Variants in CFAP61 observed in about 807,000 individuals in gnomAD.
CFAP61 encodes the protein cilia- and flagella-associated protein 61.
CFAP61 carries 107 observed loss-of-function variants against 135.6 expected under a neutral mutation model. The observed-to-expected ratio is 0.79, with a 90% CI of 0.67 to 0.93. The LOEUF is 0.93. Among genes scored for constraint, CFAP61 ranks in the 40% least tolerant of loss-of-function variants. CFAP61 has a pLI of 0.00. For synonymous variants in CFAP61, 575 were observed against 578.5 expected (o/e 0.99, Z 0.09); for missense variants, 1,507 against 1,556.2 (o/e 0.97, Z 0.53).
intron 21 of CFAP61, chr20:20,265,438 T>C (rs1290718544): frequency 1.3e-6 from 1 of 779,798 alleles, no homozygotes; most frequent in East Asian, 2.4e-5. Context: ...ATCAGTGTTA[T>C]TCTGCTGACT....
At chr20:20,197,467 C>T (rs1052808513) in intron 16 of CFAP61, among the ~76,000 whole-genome samples, 5 of 152,230 alleles carry the variant, frequency 3.3e-5, no homozygotes, top group African/African-American at 9.6e-5. Flanking sequence ...TTACCATGAA[C>T]GCAGCCATGC....
At chr20:20,078,837 A>G (rs2046236457) in intron 6 of CFAP61, among the ~76,000 whole-genome samples, 1 of 152,242 alleles carries the variant, frequency 6.6e-6, no homozygotes, top group African/African-American at 2.4e-5. Context: ...GATAGGATGA[A>G]TAAAACTGAT....
intron 24 of CFAP61, among the ~76,000 whole-genome samples, 181 bp downstream of exon 24, chr20:20,290,572 G>T (rs2054928447): frequency 6.6e-6 from 1 of 152,224 alleles, no homozygotes; most frequent in Non-Finnish European, 1.5e-5. Flanking sequence ...TCATGCCCTT[G>T]TGTGGCTCCT....
chr20:20,262,228 C>G (rs1569209405), intron 20 of CFAP61, among the ~76,000 whole-genome samples: 2 of 152,180 alleles, frequency 1.3e-5, no homozygotes, highest in East Asian at 1.9e-4. Context: ...CTGGGCAGGC[C>G]TTTATGGCTA....
chr20:20,324,182 C>T (rs554959566), intron 25 of CFAP61, among the ~76,000 whole-genome samples: 3 of 152,174 alleles, frequency 2.0e-5, no homozygotes, highest in South Asian at 2.1e-4. Context: ...GCCATTGAGA[C>T]GTGCCCTCTT....
chr20:20,360,488 T>C lies in CFAP61; in HGVS notation c.*78T>C. ...GCGCTCTGTAGAAATAGAAAAGTTCTCTGCAGCCTGGTTTGACAGCGAAGC... is the reference window on the plus strand; with the variant it reads ...GCGCTCTGTAGAAATAGAAAAGTTCCCTGCAGCCTGGTTTGACAGCGAAGC... On this transcript the variant is annotated 3_prime_UTR_variant, in exon 27 of 27. Coordinates refer to ENST00000245957, the MANE Select transcript of CFAP61 (RefSeq NM_015585.4). The C allele has an allele frequency of 7.3e-7, 1 of 1,368,872 alleles. No homozygotes were observed. Among genetic ancestry groups the C allele is most frequent in the South Asian group, 1.2e-5 (1 of 80,302 alleles). 84.8% of individuals were successfully genotyped at this position (1,368,872 alleles called of 1,614,324 possible). A position where few individuals can be genotyped will look rare whatever the true frequency, so the allele number is the denominator to read the frequency against.
intron 1 of CFAP61, chr20:20,056,183 G>T: frequency 1.7e-6 from 1 of 584,768 alleles, no homozygotes; most frequent in Non-Finnish European, 3.0e-6. Flanking sequence ...CTCAAAATAT[G>T]TCTCAAGACT....
chr20:20,309,132 G>T (rs928971337), intron 25 of CFAP61, among the ~76,000 whole-genome samples: 1 of 152,186 alleles, frequency 6.6e-6, no homozygotes, highest in Non-Finnish European at 1.5e-5. Context: ...GGGCAGTAGG[G>T]ATTCACAGGT....
chr20:20,358,700 A>G (rs1052179275), intron 26 of CFAP61, among the ~76,000 whole-genome samples: 1 of 152,162 alleles, frequency 6.6e-6, no homozygotes, highest in East Asian at 1.9e-4. Context: ...GCTCTTTCCA[A>G]TGTGTGCATA....
chr20:20,330,724 G>A (rs972196091), intron 25 of CFAP61, among the ~76,000 whole-genome samples: 1 of 152,166 alleles, frequency 6.6e-6, no homozygotes, highest in Non-Finnish European at 1.5e-5. Context: ...AGGTGCAGCG[G>A]TGGGCCTCTG....
At chr20:20,118,178 T>C (rs1433328719) in intron 8 of CFAP61, among the ~76,000 whole-genome samples, 1 of 152,138 alleles carries the variant, frequency 6.6e-6, no homozygotes, top group Non-Finnish European at 1.5e-5. Context: ...TAGAGGAAAG[T>C]CTTGCAACTT....
intron 17 of CFAP61, among the ~76,000 whole-genome samples, chr20:20,220,562 TAGAC>T (rs1415820151): frequency 6.6e-6 from 1 of 152,196 alleles, no homozygotes; most frequent in Non-Finnish European, 1.5e-5. Flanking sequence ...TAAGCCTAGG[TAGAC>T]AGTGTCAGAA....
intron 8 of CFAP61, among the ~76,000 whole-genome samples, chr20:20,118,255 T>TCC (rs200550790): frequency 4.5e-5 from 2 of 44,352 alleles, no homozygotes; most frequent in East Asian, 3.1e-4. Flanking sequence ...TGAGGTATGT[T>TCC]TCTTTCTTTC....
chr20:20,289,073 G>A (rs1236497808), intron 23 of CFAP61, 137 bp downstream of exon 23: 1 of 611,672 alleles, frequency 1.6e-6, no homozygotes, highest in Non-Finnish European at 2.8e-6. Flanking sequence ...CAGAGACAGA[G>A]AAAGGGTCTA....
intron 3 of CFAP61, among the ~76,000 whole-genome samples, chr20:20,072,153 C>T (rs954577616): frequency 2.7e-5 from 3 of 111,144 alleles, no homozygotes; most frequent in Admixed American, 1.4e-4. Context: ...CTCACTCTGT[C>T]GTCCAGGCTG....
At chr20:20,065,992 GA>G (rs11336136) in intron 2 of CFAP61, among the ~76,000 whole-genome samples, 73,038 of 151,686 alleles carry the variant, frequency 0.48, 18,363 homozygotes, top group Non-Finnish European at 0.55. Flanking sequence ...AAATTTACAA[GA>G]AAAAAAACAA....
At chr20:20,181,356 C>A (rs1430318730) in intron 13 of CFAP61, among the ~76,000 whole-genome samples, 2 of 151,162 alleles carry the variant, frequency 1.3e-5, no homozygotes, top group African/African-American at 4.9e-5. Context: ...AAATCCCAAT[C>A]TTTTTCCTTC....
chr20:20,118,957 T>C (rs1010056103), intron 8 of CFAP61, among the ~76,000 whole-genome samples: 2 of 152,072 alleles, frequency 1.3e-5, no homozygotes, highest in African/African-American at 4.8e-5. Context: ...GCTGATACTG[T>C]AGGTATGTAA....
At chr20:20,204,153 C>G (rs1452667450) in intron 17 of CFAP61, among the ~76,000 whole-genome samples, 1 of 152,108 alleles carries the variant, frequency 6.6e-6, no homozygotes, top group Non-Finnish European at 1.5e-5. Flanking sequence ...CGTGAACTCA[C>G]CTCTCTCTCA....
Sources: allele counts gnomAD v4.1 joint callset (sites outside exome capture counted in the v4.1 genomes callset), GRCh38; gene constraint gnomAD v4.1.1; transcripts MANE v1.5; gene names NCBI Gene and HGNC (gene_info 2026-07-23, HGNC 2026-07-21).